Variants in NOD1 observed in about 807,000 individuals in gnomAD.
The protein encoded by NOD1 is nucleotide binding oligomerization domain containing 1, also known as nucleotide-binding oligomerization domain-containing protein 1.
NOD1 carries 70 observed loss-of-function variants against 81.2 expected under a neutral mutation model. The observed-to-expected ratio is 0.86, with a 90% CI of 0.71 to 1.05. The LOEUF (loss-of-function observed/expected upper bound fraction) is 1.05, where lower values mean the gene tolerates loss of function less well. Among genes scored for constraint, NOD1 ranks in the 50% least tolerant of loss-of-function variants. The pLI is 0.00. For synonymous variants in NOD1, 508 were observed against 526.9 expected (o/e 0.96, Z 0.49); for missense variants, 1,233 against 1,228.0 (o/e 1.00, Z -0.06).
chr7:30,460,399 C>T, intron 1 of NOD1: 1 of 985,268 alleles, frequency 1.0e-6, no homozygotes, highest in Non-Finnish European at 1.2e-6. Flanking sequence ...GTCCTCTCTT[C>T]CAGGCAAAGA....
intron 1 of NOD1, among the ~76,000 whole-genome samples, chr7:30,474,974 T>C (rs1788630039): frequency 6.6e-6 from 1 of 152,160 alleles, no homozygotes; most frequent in Non-Finnish European, 1.5e-5. Context: ...AGTTAGGATA[T>C]CCCCTGCCAA....
Position 30,451,857 on chromosome 7 carries a change from G to A in NOD1, c.1560C>T (p.Leu520=), listed in dbSNP as rs1293585387. 1.2e-6 allele frequency: 2 copies of A among 1,613,828 alleles called. No individual in the cohort carries two copies. The highest frequency in any genetic ancestry group is 4.5e-5 in the East Asian group (2 of 44,856). The change falls in exon 6 of 14, where the codon CTC becomes CTT. Residue 520 remains leucine, a synonymous_variant. Transcript: ENST00000222823. The surrounding 1 kb of genome is among the most constrained non-coding windows in gnomAD (Gnocchi z 4.2). Reference sequence around the variant, plus strand: ...GGAAGAAGGCTGTAAAGAAGGCCTGGAGGGTGAGGTGGAAAAACTCATAGG... The same window carrying A: ...GGAAGAAGGCTGTAAAGAAGGCCTGAAGGGTGAGGTGGAAAAACTCATAGG... The part of the protein sequence containing the change: ...QQSYEFFHLT[L]QAFFTAFFLV...
intron 1 of NOD1, chr7:30,460,489 G>A: frequency 4.1e-6 from 4 of 985,442 alleles, no homozygotes; most frequent in Non-Finnish European, 4.8e-6. Context: ...GGCCAGTGGT[G>A]CAGACCAATG....
intron 9 of NOD1, 51 bp downstream of exon 9, chr7:30,446,090 C>CA: frequency 7.2e-7 from 1 of 1,384,598 alleles, no homozygotes; most frequent in Non-Finnish European, 1.0e-6. Flanking sequence ...AAGGCCCGCC[C>CA]CCCACACACA....
In NOD1 at chr7:30,452,470, T is replaced by G; in HGVS notation, c.947A>C (p.Asn316Thr). 1 of 1,613,252 alleles carries G rather than the reference T, an allele frequency of 6.2e-7. No homozygotes were observed. The highest frequency in any genetic ancestry group is 8.5e-7 in the Non-Finnish European group (1 of 1,179,942). The change falls in exon 6 of 14, where the codon AAC (asparagine) becomes ACC (threonine). Residue 316 changes from asparagine (N) to threonine (T), a missense_variant. Physicochemically the swap from Asn to Thr is moderately conservative, Grantham distance 65. Transcript: ENST00000222823. ...EPAHPLVLLA[N>T]LLSGKLLKGA... ...CTTGAGCAGCTTCCCACTGAGCAGG[T>G]TGGCCAGCAAGACCAGGGGGTGGGC... is the stretch of plus-strand genomic sequence containing the variant.
chr7:30,465,029 G>A (rs1787536613), intron 1 of NOD1, among the ~76,000 whole-genome samples: 1 of 152,158 alleles, frequency 6.6e-6, no homozygotes, highest in East Asian at 1.9e-4. Flanking sequence ...TTTACAACTG[G>A]GCAGGACAGA....
In NOD1 at chr7:30,445,438, A is replaced by G. The variant is rs1052080161; in HGVS notation, c.2453+703T>C. 2.6e-5 allele frequency among the ~76,000 whole-genome samples: 4 copies of G among 152,122 alleles called. 1 individual carries two copies. The South Asian group carries it at 8.3e-4, about 32-fold the overall frequency. On this transcript the variant is annotated intron_variant, in intron 9 of 13. Coordinates refer to ENST00000222823, the MANE Select transcript of NOD1 (RefSeq NM_006092.4). Reference sequence around the variant, plus strand: ...TAAACAAAATGTGGCATAGCCATGCAATGGAGTATTACTCAGCCTTAAAAA... The same window carrying G: ...TAAACAAAATGTGGCATAGCCATGCGATGGAGTATTACTCAGCCTTAAAAA...
chr7:30,448,231 A>C, intron 7 of NOD1, 67 bp downstream of exon 7: 2 of 1,276,548 alleles, frequency 1.6e-6, no homozygotes, highest in Non-Finnish European at 2.3e-6. Context: ...ACCTATGGGA[A>C]TGTGAATTCC....
rs1393841316 is a variant in NOD1, at chr7:30,451,979, G to A, written c.1438C>T (p.Gln480Ter). Residue 480 changes from glutamine (Q) to a stop codon, truncating the protein, a stop_gained, in exon 6 of 14, where the codon CAG (glutamine) becomes TAG (stop). Coordinates refer to ENST00000222823, the MANE Select transcript of NOD1 (RefSeq NM_006092.4). LOFTEE classifies it high-confidence loss of function. The surrounding 1 kb of genome is among the most constrained non-coding windows in gnomAD (Gnocchi z 4.2). ...GMEKSLFVFT[Q>*]EEVQASGLQE... is the part of the protein sequence containing the mutation. ...AGCCCGGAGGCCTGCACCTCCTCCTGGGTGAAGACAAAGAGGCTCTTCTCC... is the reference window on the plus strand; with the variant it reads ...AGCCCGGAGGCCTGCACCTCCTCCTAGGTGAAGACAAAGAGGCTCTTCTCC... The A allele has an allele frequency of 1.2e-5, 19 of 1,613,460 alleles. No homozygotes were observed. The highest frequency in any genetic ancestry group is 1.5e-5 in the Non-Finnish European group (18 of 1,180,004).
At chr7:30,460,387 TGGTCCTCTCTTCCA>T in intron 1 of NOD1, 1 of 985,372 alleles carries the variant, frequency 1.0e-6, no homozygotes, top group Non-Finnish European at 1.2e-6. Flanking sequence ...GAAGACGGTC[TGGTCCTCTCTTCCA>T]GGCAAAGAGA....
At chr7:30,459,308 A>G (rs1192494750) in intron 2 of NOD1, 68 bp from the exon 3 acceptor site, 1 of 152,654 alleles carries the variant, frequency 6.6e-6, no homozygotes, top group African/African-American at 2.4e-5. Context: ...TAAAATTGGC[A>G]AGAGAATAAT....
At chr7:30,446,305 C>A in intron 8 of NOD1, 81 bp from the exon 9 acceptor site, 1 of 976,892 alleles carries the variant, frequency 1.0e-6, no homozygotes, top group Non-Finnish European at 1.7e-6. Flanking sequence ...AGCACAGAGC[C>A]CCTTCCAGCC....
At chr7:30,466,704 A>G (rs1787729762) in intron 1 of NOD1, among the ~76,000 whole-genome samples, 1 of 152,216 alleles carries the variant, frequency 6.6e-6, no homozygotes, top group South Asian at 2.1e-4. Flanking sequence ...TCGTTGTCTG[A>G]GCCCACTACA....
rs1783366046 is a variant in NOD1, at chr7:30,425,487, A to C, written c.*151T>G. ...GGAGTTTGCCGACCAGACCTTCTGCACAGGAAGCTGGCTTGCATCATGGAG... is the reference window on the plus strand; with the variant it reads ...GGAGTTTGCCGACCAGACCTTCTGCCCAGGAAGCTGGCTTGCATCATGGAG... On this transcript the variant is annotated 3_prime_UTR_variant, in exon 14 of 14. Coordinates refer to ENST00000222823, the MANE Select transcript of NOD1 (RefSeq NM_006092.4). 1.5e-6 allele frequency: 1 copy of C among 656,450 alleles called. No homozygotes were observed. The highest frequency in any genetic ancestry group is 2.8e-6 in the Non-Finnish European group (1 of 361,736). The allele number at this position is 656,450 out of a possible 1,614,324, so 40.7% of individuals were successfully genotyped here.
At chr7:30,458,444 T>G (rs1786636254) in intron 3 of NOD1, among the ~76,000 whole-genome samples, 1 of 152,230 alleles carries the variant, frequency 6.6e-6, no homozygotes, top group Admixed American at 6.5e-5. Flanking sequence ...ATTAATATGT[T>G]TCACAAGCCA....
At chr7:30,446,061 GA>G (rs1785036444) in intron 9 of NOD1, 79 bp downstream of exon 9, 1 of 1,052,414 alleles carries the variant, frequency 9.5e-7, no homozygotes, top group Non-Finnish European at 1.5e-6. Context: ...CTGGTGTACT[GA>G]TGTATGAAAA....
Position 30,455,124 on chromosome 7 carries a change from G to A in NOD1, c.376+13C>T, listed in dbSNP as rs1786205762. On this transcript the variant is annotated intron_variant, in intron 5 of 13. Transcript: ENST00000222823. ...GCACTGGTGCCTGCGGTCTTGCTGG[G>A]GCTGACTCCTACCTGGGTCAGTGTT... The A allele has an allele frequency of 1.2e-6, 2 of 1,612,156 alleles. No individual in the cohort carries two copies.
chr7:30,466,659 CCT>C (rs1197594046), intron 1 of NOD1, among the ~76,000 whole-genome samples: 2 of 152,048 alleles, frequency 1.3e-5, no homozygotes, highest in Non-Finnish European at 2.9e-5. Context: ...AAGTGAGACC[CCT>C]GTTTCTTAAA....
intron 5 of NOD1, among the ~76,000 whole-genome samples, chr7:30,454,247 A>G (rs1443471227): frequency 1.3e-5 from 2 of 152,236 alleles, no homozygotes; most frequent in South Asian, 4.1e-4. Context: ...TGGTGCTGGT[A>G]TGTTACCAAC....
Sources: allele counts gnomAD v4.1 joint callset (sites outside exome capture counted in the v4.1 genomes callset), GRCh38; gene constraint gnomAD v4.1.1; non-coding constraint Gnocchi (gnomAD v3.1); transcripts MANE v1.5; gene names NCBI Gene and HGNC (gene_info 2026-07-23, HGNC 2026-07-21).